PRDM10: variants seen among roughly 807,000 people sequenced by gnomAD.
PRDM10 encodes the protein PR domain zinc finger protein 10.
Under a neutral mutation model 133.1 loss-of-function variants are expected in PRDM10, and 65 were observed. The ratio of observed to expected loss-of-function variants is 0.49; its 90% CI spans 0.40 to 0.60. The LOEUF is 0.60. PRDM10 is among the 20% of genes least tolerant of loss of function. The pLI, the probability that PRDM10 is intolerant of heterozygous loss-of-function variation, is 0.00. For synonymous variants in PRDM10, 582 were observed against 580.4 expected (o/e 1.00, Z -0.04); for missense variants, 1,137 against 1,507.1 (o/e 0.75, Z 4.07).
At position 129,947,449 on chromosome 11, in the gene PRDM10, G is replaced by A. The variant is rs772568852; in HGVS notation, c.295-79C>T. On this transcript the variant is annotated intron_variant, in intron 4 of 20. Transcript: ENST00000360871. The surrounding 1 kb of genome is among the most constrained non-coding windows in gnomAD (Gnocchi z 4.6). ...TCGCTGGTGCCTGCTGGCACAAACA[G>A]GGCGCAAGGGCTGGCTGAAATCTAG... The A allele has an allele frequency of 8.8e-6, 14 of 1,587,162 alleles. No homozygotes were observed. The highest frequency in any genetic ancestry group is 1.1e-5 in the Non-Finnish European group (13 of 1,162,162).
At chr11:129,978,161 A>C (rs1937893077) in intron 1 of PRDM10, among the ~76,000 whole-genome samples, 1 of 152,160 alleles carries the variant, frequency 6.6e-6, no homozygotes. Context: ...GATAAAAGAA[A>C]TGAGGCTGTG....
intron 14 of PRDM10, among the ~76,000 whole-genome samples, chr11:129,917,451 A>G (rs1462660436): frequency 1.3e-5 from 2 of 152,220 alleles, no homozygotes; most frequent in East Asian, 1.9e-4. Context: ...ATAATTCACC[A>G]AACAATTGAA....
Position 129,925,240 on chromosome 11 carries a change from T to A in PRDM10, c.1531-11A>T. The A allele has an allele frequency of 6.3e-7, 1 of 1,584,976 alleles. No individual in the cohort carries two copies. Among genetic ancestry groups the A allele is most frequent in the Non-Finnish European group, 8.6e-7 (1 of 1,166,082 alleles). ...CTGAAGAGCTGCATTCTGAAAGACA[T>A]ACACAAATGTGATCATTTAGTGATG... is the stretch of plus-strand genomic sequence containing the variant. On this transcript the variant is annotated splice_polypyrimidine_tract_variant and intron_variant, in intron 11 of 20. Coordinates refer to ENST00000360871, the MANE Select transcript of PRDM10 (RefSeq NM_199437.2).
At chr11:129,903,300 A>AAATAATAATAATAATAATAATAAT (rs55765531) in intron 20 of PRDM10, among the ~76,000 whole-genome samples, 2 of 138,020 alleles carry the variant, frequency 1.4e-5, no homozygotes, top group Non-Finnish European at 3.1e-5. Context: ...CTCCGTCTCA[A>AAATAATAATAATAATAATAATAAT]AATAATAATA....
At chr11:129,983,641 T>G (rs1938245182) in intron 1 of PRDM10, among the ~76,000 whole-genome samples, 1 of 152,186 alleles carries the variant, frequency 6.6e-6, no homozygotes, top group Non-Finnish European at 1.5e-5. Flanking sequence ...ACTGTAATGG[T>G]TCACTCCTAG....
At chr11:129,932,383 A>C (rs1344485513) in intron 9 of PRDM10, 152 bp from the exon 10 acceptor site, 2 of 958,506 alleles carry the variant, frequency 2.1e-6, no homozygotes, top group Non-Finnish European at 3.0e-6. Context: ...CTGTTTTACT[A>C]ATATACACTT....
rs866408724 is a variant in PRDM10, at chr11:129,947,611, C to T, written c.295-241G>A. 6.0e-6 allele frequency: 8 copies of T among 1,339,952 alleles called. No homozygotes were observed. Among genetic ancestry groups the T allele is most frequent in the Admixed American group, 2.9e-5 (1 of 34,014 alleles). The allele number at this position is 1,339,952 out of a possible 1,614,324, so 83.0% of individuals were successfully genotyped here. ...CTCCCTCTGCCCCTTCTGTCCCACA[C>T]CTGGGAGGGCTGCTAAGAAGGCTCA... On this transcript the variant is annotated intron_variant, in intron 4 of 20. Transcript: ENST00000360871. This position sits in a 1 kb window ranked among gnomAD's most constrained non-coding sequence, Gnocchi z 4.6.
rs188880434 is a variant in PRDM10, at chr11:129,985,822, A to G, written c.-119+16900T>C. On this transcript the variant is annotated intron_variant, in intron 1 of 20. Transcript: ENST00000360871. ...AAAAAAAAAAAAAATATATATATATATATATATATATGTATATATAGTAAT... is the reference window on the plus strand; with the variant it reads ...AAAAAAAAAAAAAATATATATATATGTATATATATATGTATATATAGTAAT... 5.5e-3 allele frequency among the ~76,000 whole-genome samples: 749 copies of G among 135,172 alleles called. 3 individuals carry two copies. Among genetic ancestry groups the G allele is most frequent in the Non-Finnish European group, 9.8e-3 (622 of 63,774 alleles). The allele number at this position is 135,172 out of a possible 152,430, so 88.7% of individuals were successfully genotyped here. A position where few individuals can be genotyped will look rare whatever the true frequency, so the allele number is the denominator to read the frequency against.
At chr11:129,969,621 C>T (rs1951975327) in intron 1 of PRDM10, among the ~76,000 whole-genome samples, 1 of 150,488 alleles carries the variant, frequency 6.6e-6, no homozygotes, top group South Asian at 2.1e-4. Flanking sequence ...TAGTGAAACC[C>T]CATCTCTACT....
chr11:130,000,622 T>G (rs980297355), intron 1 of PRDM10, among the ~76,000 whole-genome samples: 5 of 152,216 alleles, frequency 3.3e-5, no homozygotes, highest in Admixed American at 1.3e-4. Flanking sequence ...AAAAATGAAT[T>G]CTTTGAAAAA....
intron 1 of PRDM10, among the ~76,000 whole-genome samples, chr11:129,976,164 A>AC (rs752837160): frequency 1.2e-3 from 175 of 152,090 alleles, no homozygotes; most frequent in Non-Finnish European, 2.9e-4. Context: ...CTTCTTCCCC[A>AC]CCCCTTGGCT....
intron 6 of PRDM10, among the ~76,000 whole-genome samples, chr11:129,944,198 T>G (rs1354274664): frequency 6.6e-6 from 1 of 152,056 alleles, no homozygotes; most frequent in Non-Finnish European, 1.5e-5. Context: ...AGAAACTAAA[T>G]GTCTGTTGTT....
At chr11:129,977,971 A>AGAAAG (rs11403181) in intron 1 of PRDM10, among the ~76,000 whole-genome samples, 35 of 150,826 alleles carry the variant, frequency 2.3e-4, no homozygotes, top group South Asian at 2.1e-3. Flanking sequence ...TTTAAAAAAA[A>AGAAAG]AAAGAAAGAA....
chr11:129,968,327 C>G (rs1314312701), intron 1 of PRDM10, among the ~76,000 whole-genome samples: 2 of 152,156 alleles, frequency 1.3e-5, no homozygotes, highest in Non-Finnish European at 2.9e-5. Flanking sequence ...AACTAACTAG[C>G]ACAAACTGTG....
At chr11:130,000,139 G>A (rs1939271484) in intron 1 of PRDM10, among the ~76,000 whole-genome samples, 1 of 151,500 alleles carries the variant, frequency 6.6e-6, no homozygotes, top group Non-Finnish European at 1.5e-5. Flanking sequence ...TGCCTCCCGG[G>A]TTCAAGTGAT....
intron 14 of PRDM10, among the ~76,000 whole-genome samples, chr11:129,917,720 T>C (rs935051671): frequency 6.6e-5 from 10 of 152,110 alleles, no homozygotes; most frequent in Admixed American, 4.6e-4. Context: ...TCAAAATGAG[T>C]TGAGAGCAGA....
At chr11:129,928,779 G>A (rs902952897) in intron 11 of PRDM10, among the ~76,000 whole-genome samples, 9 of 152,072 alleles carry the variant, frequency 5.9e-5, no homozygotes, top group Admixed American at 4.6e-4. Context: ...TGCCCAACTC[G>A]GCTCACTCTG....
At chr11:129,965,738 C>CAAA (rs1323717183) in intron 1 of PRDM10, among the ~76,000 whole-genome samples, 3 of 136,542 alleles carry the variant, frequency 2.2e-5, no homozygotes, top group African/African-American at 5.7e-5. Flanking sequence ...ACATGTTTAT[C>CAAA]AAAAAAAAAA....
chr11:129,970,687 G>A (rs1430109800), intron 1 of PRDM10, among the ~76,000 whole-genome samples: 1 of 151,930 alleles, frequency 6.6e-6, no homozygotes. Context: ...TGGGATTATA[G>A]GTGTCCACCA....
Sources: gnomAD v4.1 joint callset for allele counts (sites outside exome capture counted in the v4.1 genomes callset) on GRCh38, gnomAD v4.1.1 for gene constraint, Gnocchi (gnomAD v3.1) non-coding constraint, MANE v1.5 for transcripts, NCBI Gene and HGNC (gene_info 2026-07-23, HGNC 2026-07-21) for gene names.